Variants in PRKCE observed in about 807,000 individuals in gnomAD.
The protein encoded by PRKCE is protein kinase C epsilon type.
In PRKCE, 16 loss-of-function variants were observed where a neutral mutation model predicts 85.4. The observed-to-expected ratio is 0.19, with a 90% confidence interval of 0.13 to 0.28. PRKCE has a LOEUF of 0.28. Ranked by LOEUF, PRKCE falls within the 10% of genes least tolerant of loss-of-function variation. The pLI is 1.00. For missense variants in PRKCE, 573 were observed against 975.2 expected, an observed-to-expected ratio of 0.59 and a Z score of 5.49; for synonymous variants, 388 against 371.5, an observed-to-expected ratio of 1.04 and a Z score of -0.51.
At chr2:45,827,889 A>G (rs1431982207) in intron 1 of PRKCE, among the ~76,000 whole-genome samples, 7 of 152,354 alleles carry the variant, frequency 4.6e-5, no homozygotes, top group African/African-American at 1.4e-4. Flanking sequence ...ACTTTATGTT[A>G]TATAAATTTG....
intron 11 of PRKCE, among the ~76,000 whole-genome samples, chr2:46,090,142 T>C (rs1466407045): frequency 1.3e-5 from 2 of 152,226 alleles, no homozygotes; most frequent in Non-Finnish European, 2.9e-5. Context: ...CTTTTATGTA[T>C]GTTTTGCCAT....
chr2:45,830,306 G>C (rs979408612), intron 1 of PRKCE, among the ~76,000 whole-genome samples: 8 of 151,710 alleles, frequency 5.3e-5, no homozygotes, highest in African/African-American at 1.9e-4. Context: ...GAGAGAGAGA[G>C]AGAGAGAGAG....
chr2:45,911,969 T>G (rs1219502934), intron 2 of PRKCE, among the ~76,000 whole-genome samples: 1 of 152,222 alleles, frequency 6.6e-6, no homozygotes, highest in East Asian at 1.9e-4. Flanking sequence ...TATTGTGTTG[T>G]TGTTGTCTTT....
intron 1 of PRKCE, among the ~76,000 whole-genome samples, chr2:45,713,245 A>C (rs1679814781): frequency 6.6e-6 from 1 of 152,158 alleles, no homozygotes; most frequent in Admixed American, 6.5e-5. Flanking sequence ...GTTTTTGCTC[A>C]TCTTGCCCTT....
At chr2:46,033,381 A>G (rs941151653) in intron 10 of PRKCE, among the ~76,000 whole-genome samples, 2 of 152,186 alleles carry the variant, frequency 1.3e-5, no homozygotes, top group African/African-American at 4.8e-5. Context: ...GCCCTTGGAC[A>G]TGGATCTTGC....
intron 2 of PRKCE, among the ~76,000 whole-genome samples, chr2:45,924,893 A>G (rs1160616606): frequency 6.6e-6 from 1 of 152,206 alleles, no homozygotes; most frequent in Non-Finnish European, 1.5e-5. Context: ...GGCTTGCAGG[A>G]AACAGCAGAG....
At chr2:45,710,875 A>C (rs1218074516) in intron 1 of PRKCE, among the ~76,000 whole-genome samples, 3 of 152,192 alleles carry the variant, frequency 2.0e-5, no homozygotes, top group Non-Finnish European at 4.4e-5. Flanking sequence ...ACACAACCTG[A>C]CTTGTCTAGA....
intron 11 of PRKCE, among the ~76,000 whole-genome samples, chr2:46,125,429 G>A (rs1411823340): frequency 3.3e-5 from 5 of 152,174 alleles, no homozygotes; most frequent in Admixed American, 1.3e-4. Context: ...TTGAATTTGT[G>A]GGAGTCAATT....
intron 11 of PRKCE, among the ~76,000 whole-genome samples, chr2:46,105,220 G>T (rs1310424784): frequency 6.6e-6 from 1 of 151,778 alleles, no homozygotes; most frequent in Admixed American, 6.6e-5. Flanking sequence ...TCCTTTGCTG[G>T]CATTATATTT....
intron 11 of PRKCE, among the ~76,000 whole-genome samples, chr2:46,130,600 A>G (rs1366099571): frequency 6.6e-6 from 1 of 152,232 alleles, no homozygotes; most frequent in Non-Finnish European, 1.5e-5. Context: ...TTTATTTGTC[A>G]TAGATCTGAA....
At chr2:46,170,740 G>A (rs942883689) in intron 14 of PRKCE, among the ~76,000 whole-genome samples, 8 of 152,234 alleles carry the variant, frequency 5.3e-5, no homozygotes, top group Admixed American at 5.2e-4. Context: ...AATGGTGAGA[G>A]AAGGTGGGTG....
At position 46,159,060 on chromosome 2, in the gene PRKCE, A is replaced by T. The variant is rs1439026873; in HGVS notation, c.1921-546A>T. Among the ~76,000 whole-genome samples the T allele has an allele frequency of 6.6e-6, 1 of 152,234 alleles. No homozygotes were observed. Among genetic ancestry groups the T allele is most frequent in the Non-Finnish European group, 1.5e-5 (1 of 68,036 alleles). On this transcript the variant is annotated intron_variant, in intron 13 of 14. Coordinates refer to ENST00000306156, the MANE Select transcript of PRKCE (RefSeq NM_005400.3). The surrounding 1 kb of genome is among the most constrained non-coding windows in gnomAD (Gnocchi z 4.1). ...AGATTGCAAATTCAAACATAAAAAC[A>T]GTGGAGAGGGGCTGGGTCCAGGAAC... is the stretch of plus-strand genomic sequence containing the variant.
chr2:46,135,773 T>TTTTTTTTA (rs1489261334), intron 11 of PRKCE, among the ~76,000 whole-genome samples: 3 of 122,726 alleles, frequency 2.4e-5, no homozygotes, highest in Admixed American at 8.5e-5. Flanking sequence ...TTTTTTTTTT[T>TTTTTTTTA]AATGTAGGGG....
At chr2:46,056,058 A>C (rs759265284) in intron 10 of PRKCE, among the ~76,000 whole-genome samples, 14 of 152,286 alleles carry the variant, frequency 9.2e-5, no homozygotes, top group Middle Eastern at 3.4e-3. Flanking sequence ...CTCTACCACC[A>C]ACAGGCTCTA....
At chr2:45,841,646 A>G (rs752562886) in intron 1 of PRKCE, among the ~76,000 whole-genome samples, 9 of 152,202 alleles carry the variant, frequency 5.9e-5, no homozygotes, top group Non-Finnish European at 1.0e-4. Flanking sequence ...CCCAGTAACA[A>G]TGCTTTGCAT....
intron 1 of PRKCE, among the ~76,000 whole-genome samples, chr2:45,830,639 C>T (rs1375749863): frequency 1.3e-5 from 2 of 152,064 alleles, no homozygotes; most frequent in African/African-American, 4.8e-5. Flanking sequence ...GACAATGAAT[C>T]CCAAAAGACA....
In PRKCE at chr2:46,184,856, A is replaced by G; in HGVS notation, c.2189A>G (p.Tyr730Cys). 6.3e-7 allele frequency: 1 copy of G among 1,599,786 alleles called. No individual in the cohort carries two copies. Among genetic ancestry groups the G allele is most frequent in the East Asian group, 2.2e-5 (1 of 44,888 alleles). Residue 730 changes from tyrosine to cysteine, a missense_variant, in exon 15 of 15, where the codon TAC becomes TGC. Tyr to Cys is a radical substitution (Grantham distance 194). Coordinates refer to ENST00000306156, the MANE Select transcript of PRKCE (RefSeq NM_005400.3). This position sits in a 1 kb window ranked among gnomAD's most constrained non-coding sequence, Gnocchi z 5.0. ...INQEEFKGFSYFGEDLMP is the reference protein window; with the variant it reads ...INQEEFKGFSCFGEDLMP ...CAGGAGGAATTCAAAGGTTTCTCCT[A>G]CTTTGGTGAAGACCTGATGCCCTGA...
chr2:45,659,929 AC>A (rs1675560957), intron 1 of PRKCE, among the ~76,000 whole-genome samples: 1 of 151,964 alleles, frequency 6.6e-6, no homozygotes, highest in East Asian at 1.9e-4. Flanking sequence ...ATACCAGAAC[AC>A]CAGACGCTCT....
chr2:45,805,375 T>G (rs1421365058), intron 1 of PRKCE, among the ~76,000 whole-genome samples: 1 of 152,124 alleles, frequency 6.6e-6, no homozygotes, highest in Non-Finnish European at 1.5e-5. Context: ...GAGTCCTGCC[T>G]TATTGGTTTG....
Sources: allele counts gnomAD v4.1 joint callset (sites outside exome capture counted in the v4.1 genomes callset), GRCh38; gene constraint gnomAD v4.1.1; non-coding constraint Gnocchi (gnomAD v3.1); transcripts MANE v1.5; gene names NCBI Gene and HGNC (gene_info 2026-07-23, HGNC 2026-07-21).